Variants in MYO9A observed in about 807,000 individuals in gnomAD.
The protein encoded by MYO9A is unconventional myosin-IXa.
A neutral mutation model predicts 293.3 loss-of-function variants in MYO9A; 103 were observed. The observed-to-expected ratio is 0.35, with a 90% CI of 0.30 to 0.41. MYO9A has a LOEUF of 0.41. MYO9A is among the 10% of genes least tolerant of loss of function. The probability of loss-of-function intolerance (pLI) is 1.00; values close to 1 mark genes in which losing one functional copy is unlikely to be tolerated. For missense variants in MYO9A, 2,685 were observed against 3,033.0 expected, an observed-to-expected ratio of 0.89 and a Z score of 2.69; for synonymous variants, 1,001 against 1,035.7, an observed-to-expected ratio of 0.97 and a Z score of 0.64.
intron 38 of MYO9A, 110 bp downstream of exon 38, chr15:71,849,926 T>G: frequency 1.0e-6 from 1 of 961,102 alleles, no homozygotes; most frequent in Non-Finnish European, 1.5e-6. Context: ...ACAATCTTCT[T>G]AAAAACACCT....
At chr15:72,002,580 A>C (rs2148734587) in intron 8 of MYO9A, among the ~76,000 whole-genome samples, 1 of 152,330 alleles carries the variant, frequency 6.6e-6, no homozygotes, top group Non-Finnish European at 1.5e-5. Flanking sequence ...GATCTCAAAA[A>C]CATACTATGG....
chr15:72,000,044 A>C, intron 8 of MYO9A, 104 bp from the exon 9 acceptor site: 1 of 822,658 alleles, frequency 1.2e-6, no homozygotes, highest in Non-Finnish European at 1.8e-6. Context: ...TGAGATTAGC[A>C]ATTACATAGC....
At chr15:71,834,471 C>G (rs1210913490) in intron 39 of MYO9A, among the ~76,000 whole-genome samples, 1 of 152,070 alleles carries the variant, frequency 6.6e-6, no homozygotes, top group Non-Finnish European at 1.5e-5. Flanking sequence ...ACAACAAATA[C>G]ATTAAAAAGA....
At chr15:71,903,903 T>C (rs1182620010) in intron 21 of MYO9A, 26 bp downstream of exon 21, 5 of 1,569,816 alleles carry the variant, frequency 3.2e-6, no homozygotes, top group Middle Eastern at 1.7e-4. Context: ...TGTCTAAATA[T>C]GTAAATATCA....
At chr15:72,028,240 A>AAATAT (rs1566963008) in intron 3 of MYO9A, among the ~76,000 whole-genome samples, 15 of 79,700 alleles carry the variant, frequency 1.9e-4, no homozygotes, top group Non-Finnish European at 3.3e-4. Context: ...TATATATATA[A>AAATAT]ATATATATAT....
intron 32 of MYO9A, among the ~76,000 whole-genome samples, chr15:71,864,726 A>G (rs183018947): frequency 1.3e-5 from 2 of 152,358 alleles, no homozygotes; most frequent in Admixed American, 1.3e-4. Flanking sequence ...GCCACATGCA[A>G]AAACCACAGT....
intron 1 of MYO9A, among the ~76,000 whole-genome samples, chr15:72,115,410 A>T (rs2080935113): frequency 6.6e-6 from 1 of 152,182 alleles, no homozygotes; most frequent in Non-Finnish European, 1.5e-5. Flanking sequence ...TCCTTGACAA[A>T]ATAAAAACAA....
chr15:72,075,010 G>A (rs759933687), intron 1 of MYO9A, among the ~76,000 whole-genome samples: 1 of 121,452 alleles, frequency 8.2e-6, no homozygotes, highest in Non-Finnish European at 1.6e-5. Flanking sequence ...TGTTGCCCAG[G>A]CTGGAGTGCA....
intron 1 of MYO9A, among the ~76,000 whole-genome samples, chr15:72,064,605 C>T (rs1239544762): frequency 6.6e-6 from 1 of 152,182 alleles, no homozygotes; most frequent in Non-Finnish European, 1.5e-5. Flanking sequence ...TCATACTGAA[C>T]ATTTATGATC....
At chr15:71,827,321 G>A (rs900371042) in intron 41 of MYO9A, among the ~76,000 whole-genome samples, 6 of 152,276 alleles carry the variant, frequency 3.9e-5, no homozygotes, top group South Asian at 2.1e-4. Context: ...GGATATGCAG[G>A]TAAGTCCTAC....
intron 15 of MYO9A, among the ~76,000 whole-genome samples, chr15:71,946,188 G>T (rs2058913297): frequency 6.6e-6 from 1 of 152,144 alleles, no homozygotes; most frequent in African/African-American, 2.4e-5. Context: ...TTTGGTAACA[G>T]AATAATAACA....
At chr15:71,830,714 GT>G (rs1382624457) in intron 39 of MYO9A, among the ~76,000 whole-genome samples, 1 of 152,022 alleles carries the variant, frequency 6.6e-6, no homozygotes, top group African/African-American at 2.4e-5. Context: ...CAAGTAGCTT[GT>G]GACCCCCACA....
intron 1 of MYO9A, among the ~76,000 whole-genome samples, chr15:72,069,538 T>A (rs1432197489): frequency 6.6e-6 from 1 of 152,106 alleles, no homozygotes; most frequent in Non-Finnish European, 1.5e-5. Flanking sequence ...ATCAACAGAA[T>A]CAATACAAGA....
chr15:72,056,965 C>T (rs911841676), intron 1 of MYO9A, among the ~76,000 whole-genome samples: 3 of 152,162 alleles, frequency 2.0e-5, no homozygotes, highest in Non-Finnish European at 2.9e-5. Context: ...CAAAAATTAG[C>T]CAGGCATGGT....
chr15:72,002,246 A>ATTT (rs34970982), intron 8 of MYO9A, among the ~76,000 whole-genome samples: 1 of 140,144 alleles, frequency 7.1e-6, no homozygotes. Context: ...TGACCAGCTA[A>ATTT]TTTTTTTTTT....
chr15:71,936,698 T>C (rs949641276), intron 16 of MYO9A, among the ~76,000 whole-genome samples: 18 of 152,076 alleles, frequency 1.2e-4, no homozygotes, highest in African/African-American at 4.3e-4. Flanking sequence ...TTTATAAATC[T>C]CAGCTTCCAT....
chr15:71,826,928 G>C lies in MYO9A; in HGVS notation c.7299C>G (p.Val2433=). The change falls in exon 42 of 42, where the codon GTC becomes GTG. Residue 2433 remains valine, a synonymous_variant. Coordinates refer to ENST00000356056, the MANE Select transcript of MYO9A (RefSeq NM_006901.4). ...QDSLDVVDSS[V]SSLCLSNTAS... ...CCGTGTTAGACAGACATAAAGAGGA[G>C]ACCGAAGAGTCCACGACATCTAAAG... 6.2e-7 allele frequency: 1 copy of C among 1,614,052 alleles called. No individual in the cohort carries two copies. Among genetic ancestry groups the C allele is most frequent in the South Asian group, 1.1e-5 (1 of 91,066 alleles).
intron 32 of MYO9A, among the ~76,000 whole-genome samples, chr15:71,872,386 T>C (rs2056542116): frequency 6.6e-6 from 1 of 152,148 alleles, no homozygotes; most frequent in Non-Finnish European, 1.5e-5. Flanking sequence ...CAAACGTTAT[T>C]TTCCTCTACT....
At position 71,822,342 on chromosome 15, in the gene MYO9A, A is replaced by C. The variant is rs751642217; in HGVS notation, c.*4238T>G. The C allele has an allele frequency of 7.2e-5, 11 of 152,166 alleles. No individual in the cohort carries two copies. Among genetic ancestry groups the C allele is most frequent in the Non-Finnish European group, 1.3e-4 (9 of 68,036 alleles). 9.4% of individuals were successfully genotyped at this position (152,166 alleles called of 1,614,324 possible). ...GAGCCATGGGGTGATTTGTTCATCA[A>C]GCTGCTTTTGTGTAGCCATACAGTG... is the stretch of plus-strand genomic sequence containing the variant. On this transcript the variant is annotated 3_prime_UTR_variant, in exon 42 of 42. Transcript: ENST00000356056.
Sources: allele counts gnomAD v4.1 joint callset (sites outside exome capture counted in the v4.1 genomes callset), GRCh38; gene constraint gnomAD v4.1.1; transcripts MANE v1.5; gene names NCBI Gene and HGNC (gene_info 2026-07-23, HGNC 2026-07-21).